PYY: variants seen among roughly 807,000 people sequenced by gnomAD.
The protein encoded by PYY is peptide tyrosine tyrosine.
A neutral mutation model predicts 10.3 loss-of-function variants in PYY; 12 were observed. The ratio of observed to expected loss-of-function variants is 1.17; its 90% CI spans 0.75 to 1.89. PYY has a LOEUF of 1.89. Ranked by LOEUF, PYY falls within the 40% of genes most tolerant of loss-of-function variation. The pLI, the probability that PYY is intolerant of heterozygous loss-of-function variation, is 0.00. For missense variants in PYY, 141 were observed against 134.0 expected, an observed-to-expected ratio of 1.05 and a Z score of -0.26; for synonymous variants, 66 against 62.0, an observed-to-expected ratio of 1.06 and a Z score of -0.30.
intron 1 of PYY, among the ~76,000 whole-genome samples, chr17:44,001,443 T>C (rs1381173298): frequency 6.6e-6 from 1 of 152,120 alleles, no homozygotes; most frequent in African/African-American, 2.4e-5. Flanking sequence ...ACAATGATCC[T>C]GTAGGCCTTC....
In PYY at chr17:43,987,603, G is replaced by A. The variant is rs937754446; in HGVS notation, c.-463+16788C>T. 6.6e-6 allele frequency among the ~76,000 whole-genome samples: 1 copy of A among 152,224 alleles called. No homozygotes were observed. On this transcript the variant is annotated intron_variant, in intron 1 of 6. Coordinates refer to the PYY transcript ENST00000360085. The surrounding 1 kb of genome is among the most constrained non-coding windows in gnomAD (Gnocchi z 4.0). The stretch of plus-strand genomic sequence containing the variant: ...CAGCTCAGAATGACCACTCTTCCCA[G>A]CTTCCCACATGCCACACCCCTGTGG...
At chr17:43,981,674 G>C (rs1269131539) in intron 1 of PYY, among the ~76,000 whole-genome samples, 2 of 152,114 alleles carry the variant, frequency 1.3e-5, no homozygotes, top group Non-Finnish European at 2.9e-5. Flanking sequence ...ATTTTTAGTA[G>C]AGACGGGGTT....
At position 43,976,284 on chromosome 17, in the gene PYY, C is replaced by T. The variant is rs867552629; in HGVS notation, c.-462-9752G>A. ...ATGTATACATGTACGTATATATACG[C>T]ATATGTATACATGTATACATATACG... On this transcript the variant is annotated intron_variant, in intron 1 of 6. Transcript: ENST00000360085. 1.1e-3 allele frequency among the ~76,000 whole-genome samples: 40 copies of T among 35,112 alleles called. 1 individual carries two copies. Among genetic ancestry groups the T allele is most frequent in the African/African-American group, 5.0e-3 (37 of 7,364 alleles). The allele number at this position is 35,112 out of a possible 152,430, so 23.0% of individuals were successfully genotyped here.
chr17:43,978,704 A>G (rs1353347864), intron 1 of PYY, among the ~76,000 whole-genome samples: 1 of 152,234 alleles, frequency 6.6e-6, no homozygotes, highest in Non-Finnish European at 1.5e-5. Flanking sequence ...AGGACTTGCC[A>G]CTTGTAAATC....
intron 1 of PYY, among the ~76,000 whole-genome samples, chr17:43,989,564 G>A (rs1422319668): frequency 6.6e-6 from 1 of 151,876 alleles, no homozygotes; most frequent in East Asian, 1.9e-4. Context: ...GTGTGAAGCA[G>A]TTTTGATTTG....
chr17:44,002,685 T>C (rs2049036601), intron 1 of PYY, among the ~76,000 whole-genome samples: 1 of 152,244 alleles, frequency 6.6e-6, no homozygotes, highest in Non-Finnish European at 1.5e-5. Context: ...AACTGCTTCC[T>C]AGACCAGCTC....
At chr17:43,964,991 A>G (rs2048744483) in intron 2 of PYY, among the ~76,000 whole-genome samples, 1 of 152,236 alleles carries the variant, frequency 6.6e-6, no homozygotes, top group Middle Eastern at 3.2e-3. Flanking sequence ...CACAGATGTC[A>G]TATAGAAGAG....
Position 43,967,132 on chromosome 17 carries a change from G to A in PYY, c.-462-600C>T, listed in dbSNP as rs374941840. ...AGCCTGGCCAACATGGTGAAAATCT[G>A]TCTCTACTAAAAATACAAAAATTAG... On this transcript the variant is annotated intron_variant, in intron 1 of 6. Transcript: ENST00000360085. Among the ~76,000 whole-genome samples the A allele has an allele frequency of 3.9e-4, 59 of 152,190 alleles. 1 individual carries two copies. The South Asian group carries it at 8.5e-3, about 22-fold the overall frequency.
intron 2 of PYY, among the ~76,000 whole-genome samples, chr17:43,965,517 T>G (rs2048748453): frequency 6.9e-6 from 1 of 145,840 alleles, no homozygotes; most frequent in Admixed American, 6.9e-5. Flanking sequence ...TGGCCAGGCA[T>G]GGTGACTCAC....
At chr17:43,995,550 C>T (rs778461725) in intron 1 of PYY, among the ~76,000 whole-genome samples, 7 of 152,084 alleles carry the variant, frequency 4.6e-5, no homozygotes, top group Admixed American at 1.3e-4. Context: ...GAAATGCAGA[C>T]GGGCCGGGCA....
At chr17:44,003,308 G>A (rs879333366) in intron 1 of PYY, among the ~76,000 whole-genome samples, 1 of 152,010 alleles carries the variant, frequency 6.6e-6, no homozygotes, top group Non-Finnish European at 1.5e-5. Flanking sequence ...TAAGGCTTAT[G>A]GCAAGTGATA....
rs568853736 is a variant in PYY, at chr17:43,964,033, C to T, written c.-218+2255G>A. 1.7e-4 allele frequency among the ~76,000 whole-genome samples: 21 copies of T among 121,268 alleles called. No homozygotes were observed. In the South Asian group the frequency reaches 6.1e-3, roughly 35 times the overall value. The allele number at this position is 121,268 out of a possible 152,430, so 79.6% of individuals were successfully genotyped here. ...CTATAAAGAAAGTTATGTTATATTA[C>T]CATCATTTTTCTTTCTTTCTTTTTT... On this transcript the variant is annotated intron_variant, in intron 2 of 6. Transcript: ENST00000360085.
chr17:43,975,625 G>A (rs997510351), intron 1 of PYY, among the ~76,000 whole-genome samples: 4 of 150,676 alleles, frequency 2.7e-5, no homozygotes, highest in African/African-American at 2.4e-5. Context: ...AGGCTGAGGC[G>A]GGACAATCAC....
intron 1 of PYY, among the ~76,000 whole-genome samples, chr17:43,969,749 CT>C (rs71361553): frequency 4.1e-5 from 6 of 144,692 alleles, no homozygotes; most frequent in Non-Finnish European, 3.0e-5. Context: ...ACAAAAAAAA[CT>C]TTTTTTTTTT....
intron 1 of PYY, among the ~76,000 whole-genome samples, chr17:43,996,607 T>C (rs1038925660): frequency 8.0e-5 from 12 of 150,728 alleles, no homozygotes; most frequent in African/African-American, 2.9e-4. Context: ...TGGGACCACA[T>C]ATGTCCACCA....
At chr17:43,970,760 C>T (rs1010007765) in intron 1 of PYY, among the ~76,000 whole-genome samples, 5 of 152,218 alleles carry the variant, frequency 3.3e-5, no homozygotes, top group South Asian at 4.1e-4. Flanking sequence ...CTAATGTTTG[C>T]ACCCACTACC....
chr17:43,975,715 GAA>G (rs1173879627), intron 1 of PYY, among the ~76,000 whole-genome samples: 7 of 67,696 alleles, frequency 1.0e-4, no homozygotes, highest in African/African-American at 5.1e-4. Context: ...GTAAGACCCT[GAA>G]AAAAAAAAAT....
In PYY at chr17:43,989,524, CACA is replaced by C. The variant is rs2048938808; in HGVS notation, c.-463+14864_-463+14866del. ...TAGGATTCCAGTTTCTCCACATCCT[CACA>C]ACACTTGTTGTTAGCCATCCTGATG... On this transcript the variant is annotated intron_variant, in intron 1 of 6. Transcript: ENST00000360085. Among the ~76,000 whole-genome samples, 4 of 152,234 alleles carry C rather than the reference CACA, an allele frequency of 2.6e-5. No homozygotes were observed. In the Middle Eastern group the frequency reaches 0.01, roughly 388 times the overall value.
chr17:43,988,099 C>T (rs76191728), intron 1 of PYY, among the ~76,000 whole-genome samples: 2,736 of 152,168 alleles, frequency 0.018, 46 homozygotes, highest in Non-Finnish European at 0.028. Flanking sequence ...AGAAGGTGAC[C>T]CGTGGGAGCC....
Sources: gnomAD v4.1 joint callset for allele counts (sites outside exome capture counted in the v4.1 genomes callset) on GRCh38, gnomAD v4.1.1 for gene constraint, Gnocchi (gnomAD v3.1) non-coding constraint, MANE v1.5 for transcripts, NCBI Gene and HGNC (gene_info 2026-07-23, HGNC 2026-07-21) for gene names.